CCSER1: variants seen among roughly 807,000 people sequenced by gnomAD.
The protein encoded by CCSER1 is coiled-coil serine rich protein 1, also known as serine-rich coiled-coil domain-containing protein 1.
Under a neutral mutation model 82.0 loss-of-function variants are expected in CCSER1, and 41 were observed. The observed-to-expected ratio is 0.50, with a 90% CI of 0.39 to 0.65. The LOEUF is 0.65. Ranked by LOEUF, CCSER1 falls within the 30% of genes least tolerant of loss-of-function variation. The pLI is 0.00. For synonymous variants in CCSER1, 414 were observed against 383.9 expected, an observed-to-expected ratio of 1.08 and a Z score of -0.92; for missense variants, 1,119 against 1,064.2, an observed-to-expected ratio of 1.05 and a Z score of -0.72.
intron 9 of CCSER1, among the ~76,000 whole-genome samples, chr4:90,937,376 T>C (rs1362694273): frequency 1.3e-5 from 2 of 152,074 alleles, no homozygotes; most frequent in Non-Finnish European, 2.9e-5. Flanking sequence ...CTTTTGGTCT[T>C]GTCATGTTAC....
chr4:90,451,602 G>A (rs1560538028), intron 4 of CCSER1, among the ~76,000 whole-genome samples: 1 of 152,180 alleles, frequency 6.6e-6, no homozygotes, highest in African/African-American at 2.4e-5. Context: ...GGTAGATGAA[G>A]CTTGCTCTCC....
At chr4:90,977,729 A>C (rs1735736657) in intron 9 of CCSER1, among the ~76,000 whole-genome samples, 1 of 151,770 alleles carries the variant, frequency 6.6e-6, no homozygotes, top group East Asian at 1.9e-4. Context: ...ATTTGTTTGT[A>C]TATCTGCCTT....
At chr4:91,281,799 G>T (rs749504499) in intron 10 of CCSER1, among the ~76,000 whole-genome samples, 2 of 152,064 alleles carry the variant, frequency 1.3e-5, no homozygotes, top group South Asian at 2.1e-4. Flanking sequence ...ATTTTTCTTT[G>T]TAAGTAAGTT....
chr4:90,674,883 C>T (rs537738530), intron 6 of CCSER1, among the ~76,000 whole-genome samples: 2 of 151,960 alleles, frequency 1.3e-5, no homozygotes, highest in South Asian at 2.1e-4. Flanking sequence ...CAAAGACCCT[C>T]CTGACCCAGG....
At chr4:91,002,150 A>G (rs1738093916) in intron 9 of CCSER1, among the ~76,000 whole-genome samples, 1 of 152,160 alleles carries the variant, frequency 6.6e-6, no homozygotes, top group African/African-American at 2.4e-5. Context: ...TTTCCTTTGT[A>G]GGTTACCTGG....
At chr4:91,010,342 C>T (rs932992862) in intron 9 of CCSER1, among the ~76,000 whole-genome samples, 1 of 152,060 alleles carries the variant, frequency 6.6e-6, no homozygotes, top group Non-Finnish European at 1.5e-5. Context: ...TTTAAAATTC[C>T]CTGTTTGTCT....
At chr4:91,535,766 T>C (rs548314889) in intron 10 of CCSER1, among the ~76,000 whole-genome samples, 3 of 152,200 alleles carry the variant, frequency 2.0e-5, no homozygotes, top group East Asian at 3.9e-4. Flanking sequence ...CAGACAAGTG[T>C]TTCTCATTTG....
At chr4:90,802,250 T>C (rs1469390877) in intron 7 of CCSER1, among the ~76,000 whole-genome samples, 1 of 147,708 alleles carries the variant, frequency 6.8e-6, no homozygotes, top group Non-Finnish European at 1.5e-5. Flanking sequence ...AATATATAAA[T>C]ATAAATATAT....
At position 90,422,743 on chromosome 4, in the gene CCSER1, C is replaced by T. The variant is rs1024535506; in HGVS notation, c.1603+22614C>T. On this transcript the variant is annotated intron_variant, in intron 4 of 10. Transcript: ENST00000509176. ...TCTGCTATGTTTATTTTTAGGCAGGCGACTTTGGGTAACATTACAGAAGCA... is the reference window on the plus strand; with the variant it reads ...TCTGCTATGTTTATTTTTAGGCAGGTGACTTTGGGTAACATTACAGAAGCA... Among the ~76,000 whole-genome samples the T allele has an allele frequency of 5.9e-5, 9 of 152,200 alleles. No homozygotes were observed. In the South Asian group the frequency reaches 8.3e-4, roughly 14 times the overall value.
At chr4:90,582,428 A>G (rs1246225563) in intron 5 of CCSER1, among the ~76,000 whole-genome samples, 1 of 152,240 alleles carries the variant, frequency 6.6e-6, no homozygotes, top group Non-Finnish European at 1.5e-5. Context: ...TATTATATTA[A>G]TAACACTTTA....
chr4:91,465,784 C>T (rs959002586), intron 10 of CCSER1, among the ~76,000 whole-genome samples: 3 of 151,980 alleles, frequency 2.0e-5, no homozygotes, highest in African/African-American at 7.3e-5. Flanking sequence ...ACACATACAC[C>T]CTCCCAAGAC....
intron 10 of CCSER1, among the ~76,000 whole-genome samples, chr4:91,509,511 G>A (rs1759709307): frequency 6.6e-6 from 1 of 151,942 alleles, no homozygotes; most frequent in African/African-American, 2.4e-5. Flanking sequence ...GGTATATTCT[G>A]GAGAACCCTT....
chr4:90,164,602 T>G (rs1730111577), intron 1 of CCSER1, among the ~76,000 whole-genome samples: 1 of 151,986 alleles, frequency 6.6e-6, no homozygotes, highest in African/African-American at 2.4e-5. Flanking sequence ...AATAGATCCA[T>G]AAAAAGAATC....
chr4:91,476,991 G>A (rs1034156621), intron 10 of CCSER1, among the ~76,000 whole-genome samples: 1 of 151,626 alleles, frequency 6.6e-6, no homozygotes, highest in African/African-American at 2.4e-5. Flanking sequence ...AATGCTCCAG[G>A]ACAGTGGTCT....
chr4:90,196,012 T>C lies in CCSER1; in HGVS notation c.-42+68181T>C, dbSNP rs369068231. On this transcript the variant is annotated intron_variant, in intron 1 of 10. Transcript: ENST00000509176. ...TATCTTTTCCTTTGTTCTCGTATGC[T>C]AACAAAACCCAGATATTGTTCAGGG... is the stretch of plus-strand genomic sequence containing the variant. Among the ~76,000 whole-genome samples the C allele has an allele frequency of 5.3e-4, 81 of 151,966 alleles. 1 individual carries two copies. The East Asian group carries it at 0.012, about 22-fold the overall frequency.
At chr4:91,203,348 TA>T (rs1384822331) in intron 10 of CCSER1, among the ~76,000 whole-genome samples, 1 of 151,982 alleles carries the variant, frequency 6.6e-6, no homozygotes, top group Non-Finnish European at 1.5e-5. Context: ...TAGGAAATAT[TA>T]CTGTTTGAAA....
chr4:90,526,395 C>T (rs982164278), intron 5 of CCSER1, among the ~76,000 whole-genome samples: 3 of 152,054 alleles, frequency 2.0e-5, no homozygotes, highest in African/African-American at 7.2e-5. Flanking sequence ...TAGCTAACAT[C>T]AGAAGGCTTT....
chr4:90,972,050 C>T (rs2150400935), intron 9 of CCSER1, among the ~76,000 whole-genome samples: 1 of 151,936 alleles, frequency 6.6e-6, no homozygotes, highest in Non-Finnish European at 1.5e-5. Context: ...CAGTGAAAAG[C>T]TCTATGCTTT....
intron 7 of CCSER1, among the ~76,000 whole-genome samples, chr4:90,777,354 CAAAA>C (rs60638334): frequency 5.1e-5 from 3 of 58,532 alleles, no homozygotes; most frequent in African/African-American, 6.9e-5. Context: ...GACTCCATCT[CAAAA>C]AAAAAAAAAA....
Sources: allele counts gnomAD v4.1 joint callset (sites outside exome capture counted in the v4.1 genomes callset), GRCh38; gene constraint gnomAD v4.1.1; transcripts MANE v1.5; gene names NCBI Gene and HGNC (gene_info 2026-07-23, HGNC 2026-07-21).